PKHD1: variants seen among roughly 807,000 people sequenced by gnomAD.
PKHD1 encodes the protein PKHD1 ciliary IPT domain containing fibrocystin/polyductin.
In PKHD1, 291 loss-of-function variants were observed where a neutral mutation model predicts 412.0. The observed-to-expected ratio is 0.71, with a 90% CI of 0.64 to 0.78. The LOEUF (loss-of-function observed/expected upper bound fraction) is 0.78. PKHD1 is among the 30% of genes least tolerant of loss of function. The probability of loss-of-function intolerance (pLI) is 0.00; values close to 1 mark genes in which losing one functional copy is unlikely to be tolerated. For synonymous variants in PKHD1, 1,777 were observed against 1,821.5 expected (o/e 0.98, Z 0.62); for missense variants, 4,825 against 4,950.7 (o/e 0.97, Z 0.76).
At chr6:52,069,614 G>C (rs1184195905) in intron 10 of PKHD1, 87 bp from the exon 11 acceptor site, 1 of 922,152 alleles carries the variant, frequency 1.1e-6, no homozygotes, top group Non-Finnish European at 1.8e-6. Flanking sequence ...GGAAGATTGG[G>C]AACTAACCTC....
At chr6:51,634,349 T>TA in intron 64 of PKHD1, among the ~76,000 whole-genome samples, 1 of 152,196 alleles carries the variant, frequency 6.6e-6, no homozygotes, top group East Asian at 1.9e-4. Context: ...ACATCATGTA[T>TA]CTGAGCCATA....
chr6:51,907,092 C>T, intron 40 of PKHD1, among the ~76,000 whole-genome samples: 1 of 152,056 alleles, frequency 6.6e-6, no homozygotes, highest in East Asian at 1.9e-4. Flanking sequence ...ACTAAGTAAC[C>T]TCTGCATTCA....
chr6:52,053,163 C>CCAG lies in PKHD1; in HGVS notation c.2050_2052dup (p.Leu684dup). ...AGAGGGAGAAGGTTGATCTGATGAA[C>CCAG]CAGCACTGGGGAGTTTGCCGGAGGG... On this transcript the variant is annotated inframe_insertion, in exon 21 of 67. Coordinates refer to ENST00000371117, the MANE Select transcript of PKHD1 (RefSeq NM_138694.4). 6.2e-7 allele frequency: 1 copy of CCAG among 1,614,194 alleles called. No homozygotes were observed. The highest frequency in any genetic ancestry group is 8.5e-7 in the Non-Finnish European group (1 of 1,180,002).
At chr6:51,772,631 T>C in intron 55 of PKHD1, 71 bp downstream of exon 55, 1 of 749,644 alleles carries the variant, frequency 1.3e-6, no homozygotes. Flanking sequence ...TTTCATATTG[T>C]AACAAAATCT....
chr6:51,954,710 C>T (rs754713280), intron 36 of PKHD1, among the ~76,000 whole-genome samples: 2 of 149,602 alleles, frequency 1.3e-5, no homozygotes, highest in Admixed American at 6.8e-5. Flanking sequence ...AACAAATTAG[C>T]ATATCAATCA....
intron 27 of PKHD1, among the ~76,000 whole-genome samples, chr6:52,038,768 C>CA (rs1804357822): frequency 6.6e-6 from 1 of 152,028 alleles, no homozygotes; most frequent in Non-Finnish European, 1.5e-5. Context: ...ATCTAAGAGC[C>CA]AAAACTATAA....
At chr6:51,890,405 TC>T (rs3838324) in intron 43 of PKHD1, among the ~76,000 whole-genome samples, 18,859 of 152,058 alleles carry the variant, frequency 0.12, 1,500 homozygotes, top group Non-Finnish European at 0.19. Context: ...TGCTGTGGCC[TC>T]CCCAGTAGTG....
intron 61 of PKHD1, among the ~76,000 whole-genome samples, chr6:51,656,621 T>C (rs2150399727): frequency 6.6e-6 from 1 of 151,974 alleles, no homozygotes; most frequent in Middle Eastern, 3.4e-3. Context: ...GCTACTCCGT[T>C]TCTTCCCACA....
At chr6:51,807,479 A>ATGTGTGTGTG (rs1216842472) in intron 52 of PKHD1, among the ~76,000 whole-genome samples, 6 of 103,484 alleles carry the variant, frequency 5.8e-5, no homozygotes, top group African/African-American at 3.0e-4. Context: ...ATATATATAT[A>ATGTGTGTGTG]TGTATATGTG....
chr6:52,058,250 G>C lies in PKHD1; in HGVS notation c.1512+73C>G, dbSNP rs1272965002. 3.3e-6 allele frequency: 5 copies of C among 1,501,354 alleles called. No homozygotes were observed. The African/African-American group carries it at 4.1e-5, about 12-fold the overall frequency. The allele number at this position is 1,501,354 out of a possible 1,614,324, so 93.0% of individuals were successfully genotyped here. The stretch of plus-strand genomic sequence containing the variant: ...GACCCCTCAGGTCGCCAGACTCCCA[G>C]TCAGTGCTCCTGCTACATGGGACTT... On this transcript the variant is annotated intron_variant, in intron 16 of 66. Coordinates refer to ENST00000371117, the MANE Select transcript of PKHD1 (RefSeq NM_138694.4).
Position 51,868,053 on chromosome 6 carries a change from C to A in PKHD1, c.7543G>T (p.Ala2515Ser). 2 of 1,611,046 alleles carry A rather than the reference C, an allele frequency of 1.2e-6. No individual in the cohort carries two copies. Among genetic ancestry groups the A allele is most frequent in the Non-Finnish European group, 8.5e-7 (1 of 1,177,324 alleles). ...LKFTNSSNLV[A>S]FPFPHAAILE... is the part of the protein sequence containing the mutation. ...ATTGCTGCATGAGGAAATGGAAATG[C>A]CACTAAGTTTGAAGAGTTTGTAAAC... is the stretch of plus-strand genomic sequence containing the variant. Residue 2515 changes from alanine to serine, a missense_variant, in exon 48 of 67, where the codon GCA (alanine) becomes TCA (serine). Coordinates refer to ENST00000371117, the MANE Select transcript of PKHD1 (RefSeq NM_138694.4).
Position 52,037,631 on chromosome 6 carries a change from G to C in PKHD1, c.3098-1910C>G, listed in dbSNP as rs565694816. 4.0e-4 allele frequency among the ~76,000 whole-genome samples: 61 copies of C among 152,262 alleles called. No individual in the cohort carries two copies. The Middle Eastern group carries it at 0.01, about 25-fold the overall frequency. ...AATAAACACAAATTAAAACCACAAT[G>C]AAATATTCTTCTTCTCCTATAAAAT... is the stretch of plus-strand genomic sequence containing the variant. On this transcript the variant is annotated intron_variant, in intron 27 of 66. Transcript: ENST00000371117.
At chr6:51,895,995 C>T (rs1482858273) in intron 43 of PKHD1, among the ~76,000 whole-genome samples, 6 of 152,158 alleles carry the variant, frequency 3.9e-5, no homozygotes, top group African/African-American at 9.7e-5. Context: ...GATTATATCC[C>T]GCACCTGGCT....
intron 61 of PKHD1, among the ~76,000 whole-genome samples, chr6:51,655,738 A>C (rs2150395540): frequency 6.6e-6 from 1 of 152,262 alleles, no homozygotes; most frequent in Middle Eastern, 3.4e-3. Context: ...TGTTGGAAGA[A>C]TGCATTTCCT....
At chr6:51,899,498 G>T (rs1421087712) in intron 43 of PKHD1, among the ~76,000 whole-genome samples, 2 of 151,708 alleles carry the variant, frequency 1.3e-5, no homozygotes, top group Non-Finnish European at 2.9e-5. Context: ...AATAAATTAG[G>T]TATTGATGGG....
intron 37 of PKHD1, among the ~76,000 whole-genome samples, chr6:51,931,943 A>G (rs1786684023): frequency 1.3e-5 from 2 of 149,706 alleles, no homozygotes; most frequent in Non-Finnish European, 1.5e-5. Context: ...GGAGAAGAGG[A>G]AGGGAGGAAG....
chr6:51,854,416 G>A (rs1772909289), intron 49 of PKHD1, among the ~76,000 whole-genome samples: 1 of 152,124 alleles, frequency 6.6e-6, no homozygotes, highest in Admixed American at 6.5e-5. Flanking sequence ...GGTGGCATGA[G>A]GAGCAGGACC....
intron 11 of PKHD1, among the ~76,000 whole-genome samples, chr6:52,066,960 T>G (rs528565740): frequency 2.0e-5 from 3 of 152,148 alleles, no homozygotes; most frequent in Admixed American, 6.6e-5. Flanking sequence ...TGACACATAG[T>G]CCTCAGAATT....
intron 35 of PKHD1, among the ~76,000 whole-genome samples, chr6:51,961,915 T>A (rs1269659887): frequency 1.3e-5 from 2 of 152,118 alleles, no homozygotes; most frequent in Non-Finnish European, 2.9e-5. Flanking sequence ...ATTTCTCTAG[T>A]GTCATCATAT....
Sources: gnomAD v4.1 joint callset for allele counts (sites outside exome capture counted in the v4.1 genomes callset) on GRCh38, gnomAD v4.1.1 for gene constraint, MANE v1.5 for transcripts, NCBI Gene and HGNC (gene_info 2026-07-23, HGNC 2026-07-21) for gene names.